ASB18: variants seen among roughly 807,000 people sequenced by gnomAD.
The protein encoded by ASB18 is ankyrin repeat and SOCS box containing 18, also known as ankyrin repeat and SOCS box protein 18.
ASB18 carries 33 observed loss-of-function variants against 33.4 expected under a neutral mutation model. That is an observed-to-expected ratio of 0.99 (90% CI 0.75 to 1.32). The LOEUF (loss-of-function observed/expected upper bound fraction) is 1.32, where lower values mean the gene tolerates loss of function less well. Ranked by LOEUF, ASB18 falls within the 40% of genes most tolerant of loss-of-function variation. The probability of loss-of-function intolerance (pLI) is 0.00; values close to 1 mark genes in which losing one functional copy is unlikely to be tolerated. For synonymous variants in ASB18, 295 were observed against 307.6 expected (o/e 0.96, Z 0.43); for missense variants, 694 against 655.5 (o/e 1.06, Z -0.64).
rs2060734107 is a variant in ASB18, at chr2:236,264,068, C to A, written c.205+73G>T. 1 of 1,377,944 alleles carries A rather than the reference C, an allele frequency of 7.3e-7. No individual in the cohort carries two copies. The highest frequency in any genetic ancestry group is 1.2e-5 in the South Asian group (1 of 82,424). The allele number at this position is 1,377,944 out of a possible 1,614,324, so 85.4% of individuals were successfully genotyped here. The stretch of plus-strand genomic sequence containing the variant: ...TTTTTCCAAACATTTGCCCCTCTAC[C>A]TCCAGGATCTGCCCACCCCATCAGT... On this transcript the variant is annotated intron_variant, in intron 1 of 5. Transcript: ENST00000409749. This position sits in a 1 kb window ranked among gnomAD's most constrained non-coding sequence, Gnocchi z 5.1.
rs1559335097 is a variant in ASB18 at position 236,237,396 on chromosome 2, G to GAGGT, written c.596+292_596+293insACCT. 3.1e-4 allele frequency among the ~76,000 whole-genome samples: 32 copies of GAGGT among 103,226 alleles called. No homozygotes were observed. The highest frequency in any genetic ancestry group is 1.4e-3 in the African/African-American group (16 of 11,608). 67.7% of individuals were successfully genotyped at this position (103,226 alleles called of 152,430 possible). On this transcript the variant is annotated intron_variant, in intron 3 of 5. Transcript: ENST00000409749. The surrounding 1 kb of genome is among the most constrained non-coding windows in gnomAD (Gnocchi z 6.2). ...GGCCGGGGCGCGGGGCGGGGGCCGG[G>GAGGT]GCCGGGGCGCGGGGCGGGGGCCGGG...
chr2:236,194,005 C>T lies in ASB18; in HGVS notation c.*867G>A, dbSNP rs2060359473. On this transcript the variant is annotated 3_prime_UTR_variant, in exon 6 of 6. Transcript: ENST00000409749. This position sits in a 1 kb window ranked among gnomAD's most constrained non-coding sequence, Gnocchi z 4.5. ...GTCCAGGCCTGGTTCCTGCCCTGCA[C>T]ACTGAGTTGCTGGGGTGGACTCTGG... 1.3e-5 allele frequency among the ~76,000 whole-genome samples: 2 copies of T among 152,180 alleles called. No individual in the cohort carries two copies. The highest frequency in any genetic ancestry group is 2.4e-5 in the African/African-American group (1 of 41,428).
In ASB18 at chr2:236,238,943, G is replaced by A. The variant is rs867420747; in HGVS notation, c.329-987C>T. Among the ~76,000 whole-genome samples, 2 of 152,114 alleles carry A rather than the reference G, an allele frequency of 1.3e-5. No individual in the cohort carries two copies. Among genetic ancestry groups the A allele is most frequent in the African/African-American group, 2.4e-5 (1 of 41,430 alleles). On this transcript the variant is annotated intron_variant, in intron 2 of 5. Coordinates refer to ENST00000409749, the MANE Select transcript of ASB18 (RefSeq NM_212556.4). The surrounding 1 kb of genome is among the most constrained non-coding windows in gnomAD (Gnocchi z 5.2). The stretch of plus-strand genomic sequence containing the variant: ...AAGTCCATTCATTAATTACCTACCC[G>A]CATGTGGTGCCGAGTTCCAGCCGCC...
In ASB18 at chr2:236,245,558, C is replaced by T. The variant is rs971658754; in HGVS notation, c.206-4156G>A. 5.3e-5 allele frequency among the ~76,000 whole-genome samples: 8 copies of T among 152,150 alleles called. No homozygotes were observed. Among genetic ancestry groups the T allele is most frequent in the Admixed American group, 3.9e-4 (6 of 15,276 alleles). ...CAGGCTGTTCCTTCTGCCTGCAGTC[C>T]TTATTTTCCCTCCTTGCCTGGCCAG... On this transcript the variant is annotated intron_variant, in intron 1 of 5. Transcript: ENST00000409749. The surrounding 1 kb of genome is among the most constrained non-coding windows in gnomAD (Gnocchi z 4.7).
rs891319701 is a variant in ASB18, at chr2:236,235,416, C to T, written c.596+2273G>A. Among the ~76,000 whole-genome samples the T allele has an allele frequency of 1.3e-5, 2 of 152,178 alleles. No individual in the cohort carries two copies. Reference sequence around the variant, plus strand: ...GTGTAAATATACTCTATGATGTTTACACAATGATGAAACAACACATTTCTG... The same window carrying T: ...GTGTAAATATACTCTATGATGTTTATACAATGATGAAACAACACATTTCTG... On this transcript the variant is annotated intron_variant, in intron 3 of 5. Transcript: ENST00000409749. The surrounding 1 kb of genome is among the most constrained non-coding windows in gnomAD (Gnocchi z 6.2).
In ASB18 at chr2:236,208,241, C is replaced by T. The variant is rs1289515244; in HGVS notation, c.1101+6121G>A. Among the ~76,000 whole-genome samples the T allele has an allele frequency of 6.6e-6, 1 of 152,100 alleles. No homozygotes were observed. Among genetic ancestry groups the T allele is most frequent in the Non-Finnish European group, 1.5e-5 (1 of 68,016 alleles). ...AGGCCTGGGGCCAGCACGGTCTTCCCAGCCCATCTCGCCAGCCCTGTCCCT... is the reference window on the plus strand; with the variant it reads ...AGGCCTGGGGCCAGCACGGTCTTCCTAGCCCATCTCGCCAGCCCTGTCCCT... On this transcript the variant is annotated intron_variant, in intron 4 of 5. Transcript: ENST00000409749. This position sits in a 1 kb window ranked among gnomAD's most constrained non-coding sequence, Gnocchi z 7.7.
At chr2:236,258,159 T>A (rs1294366818) in intron 1 of ASB18, among the ~76,000 whole-genome samples, 2 of 152,212 alleles carry the variant, frequency 1.3e-5, no homozygotes, top group African/African-American at 2.4e-5. Flanking sequence ...AACTCACCAC[T>A]GGAGGCCTTC....
Position 236,220,269 on chromosome 2 carries a change from C to T in ASB18, c.597-5403G>A, listed in dbSNP as rs952215835. Among the ~76,000 whole-genome samples, 13 of 152,308 alleles carry T rather than the reference C, an allele frequency of 8.5e-5. No individual in the cohort carries two copies. The highest frequency in any genetic ancestry group is 2.6e-4 in the African/African-American group (11 of 41,576). The stretch of plus-strand genomic sequence containing the variant: ...GGCTTTTCCTAGTCCCTTCCCAGGG[C>T]ACAAGGCCTGGAGGCCTCAGCCTGG... On this transcript the variant is annotated intron_variant, in intron 3 of 5. Coordinates refer to ENST00000409749, the MANE Select transcript of ASB18 (RefSeq NM_212556.4). The surrounding 1 kb of genome is among the most constrained non-coding windows in gnomAD (Gnocchi z 5.1).
intron 1 of ASB18, chr2:236,247,431 G>T (rs57821542): frequency 0.26 from 39,808 of 152,040 alleles, 7,858 homozygotes; most frequent in African/African-American, 0.56. Flanking sequence ...GGATCAAACA[G>T]GAGAAAGCAA....
At chr2:236,199,020 C>G (rs2060386906) in intron 4 of ASB18, among the ~76,000 whole-genome samples, 1 of 151,936 alleles carries the variant, frequency 6.6e-6, no homozygotes, top group Non-Finnish European at 1.5e-5. Context: ...AAATAGATAC[C>G]CTGTTCTAAG....
In ASB18 at chr2:236,220,928, G is replaced by A. The variant is rs765357036; in HGVS notation, c.597-6062C>T. ...ACAGGAATTCCTGGACAGACTCACC[G>A]ACAGGACACTGAAGGCAGGGCAAGG... On this transcript the variant is annotated intron_variant, in intron 3 of 5. Transcript: ENST00000409749. The surrounding 1 kb of genome is among the most constrained non-coding windows in gnomAD (Gnocchi z 5.1). 8.5e-5 allele frequency among the ~76,000 whole-genome samples: 13 copies of A among 152,132 alleles called. No homozygotes were observed. Among genetic ancestry groups the A allele is most frequent in the Admixed American group, 2.0e-4 (3 of 15,276 alleles).
intron 3 of ASB18, among the ~76,000 whole-genome samples, chr2:236,224,107 G>T (rs1205406054): frequency 1.3e-5 from 2 of 148,412 alleles, no homozygotes; most frequent in African/African-American, 5.0e-5. Context: ...TTTCCAAAGA[G>T]ATATCATTTT....
rs2060473423 is a variant in ASB18, at chr2:236,214,285, T to C, written c.1101+77A>G. ...GCCATTACACTTTGAGAGCGCCGCA[T>C]GCAACCCAGCTCCCAGGCCGGTCAC... On this transcript the variant is annotated intron_variant, in intron 4 of 5. Coordinates refer to ENST00000409749, the MANE Select transcript of ASB18 (RefSeq NM_212556.4). The surrounding 1 kb of genome is among the most constrained non-coding windows in gnomAD (Gnocchi z 6.5). 4 of 1,458,454 alleles carry C rather than the reference T, an allele frequency of 2.7e-6. No homozygotes were observed. Among genetic ancestry groups the C allele is most frequent in the African/African-American group, 1.5e-5 (1 of 68,930 alleles). The allele number at this position is 1,458,454 out of a possible 1,614,324, so 90.3% of individuals were successfully genotyped here.
At position 236,232,523 on chromosome 2, in the gene ASB18, A is replaced by G. The variant is rs182712539; in HGVS notation, c.596+5166T>C. Among the ~76,000 whole-genome samples the G allele has an allele frequency of 4.6e-3, 700 of 152,064 alleles. 1 individual carries two copies. The highest frequency in any genetic ancestry group is 7.7e-3 in the Non-Finnish European group (519 of 67,828). On this transcript the variant is annotated intron_variant, in intron 3 of 5. Coordinates refer to ENST00000409749, the MANE Select transcript of ASB18 (RefSeq NM_212556.4). ...TGGAAATCAATGAAATAGAAAAACA[A>G]TAGAGAAAAACAATGAAACCAAAAG...
chr2:236,233,619 T>C lies in ASB18; in HGVS notation c.596+4070A>G, dbSNP rs1298907308. On this transcript the variant is annotated intron_variant, in intron 3 of 5. Coordinates refer to ENST00000409749, the MANE Select transcript of ASB18 (RefSeq NM_212556.4). ...ATAAATTATTATAAATTTCATATAG[T>C]AGTTACACACAATCAGAAATGGAAA... Among the ~76,000 whole-genome samples the C allele has an allele frequency of 2.0e-5, 3 of 152,134 alleles. No individual in the cohort carries two copies. In the East Asian group the frequency reaches 5.8e-4, roughly 29 times the overall value.
chr2:236,201,385 T>C (rs11677411), intron 4 of ASB18, among the ~76,000 whole-genome samples: 26,028 of 151,896 alleles, frequency 0.17, 2,215 homozygotes, highest in South Asian at 0.25. Flanking sequence ...AACTCCTGGG[T>C]TCACGCGATC....
At chr2:236,258,775 G>A (rs1388996704) in intron 1 of ASB18, among the ~76,000 whole-genome samples, 3 of 152,106 alleles carry the variant, frequency 2.0e-5, no homozygotes, top group Non-Finnish European at 2.9e-5. Flanking sequence ...TATACATGAC[G>A]CTGGTGAGAT....
In ASB18 at chr2:236,221,686, A is replaced by G. The variant is rs895875928; in HGVS notation, c.597-6820T>C. Among the ~76,000 whole-genome samples, 1 of 152,110 alleles carries G rather than the reference A, an allele frequency of 6.6e-6. No homozygotes were observed. Among genetic ancestry groups the G allele is most frequent in the Non-Finnish European group, 1.5e-5 (1 of 68,006 alleles). ...ATCAGAAGCGTGAAAACGGACTAAT[A>G]CAGCATCTGTCTCCTTAAGTCACCG... On this transcript the variant is annotated intron_variant, in intron 3 of 5. Coordinates refer to ENST00000409749, the MANE Select transcript of ASB18 (RefSeq NM_212556.4). The surrounding 1 kb of genome is among the most constrained non-coding windows in gnomAD (Gnocchi z 5.6).
chr2:236,237,131 C>T lies in ASB18; in HGVS notation c.596+558G>A, dbSNP rs940975831. Among the ~76,000 whole-genome samples, 1 of 152,222 alleles carries T rather than the reference C, an allele frequency of 6.6e-6. No individual in the cohort carries two copies. The highest frequency in any genetic ancestry group is 1.5e-5 in the Non-Finnish European group (1 of 68,004). On this transcript the variant is annotated intron_variant, in intron 3 of 5. Coordinates refer to ENST00000409749, the MANE Select transcript of ASB18 (RefSeq NM_212556.4). This position sits in a 1 kb window ranked among gnomAD's most constrained non-coding sequence, Gnocchi z 6.2. ...CCGCTTCCGAGCGGGCCTGGAAGCC[C>T]CGCCCGAGGAGCTAACCATTTATGT...
Sources: gnomAD v4.1 joint callset for allele counts (sites outside exome capture counted in the v4.1 genomes callset) on GRCh38, gnomAD v4.1.1 for gene constraint, Gnocchi (gnomAD v3.1) non-coding constraint, MANE v1.5 for transcripts, NCBI Gene and HGNC (gene_info 2026-07-23, HGNC 2026-07-21) for gene names.